The following INPP4A variants were observed in gnomAD, a reference collection of about 807,000 sequenced individuals.
INPP4A encodes the protein inositol polyphosphate-4-phosphatase, type I, 107kD.
Under a neutral mutation model 119.8 loss-of-function variants are expected in INPP4A, and 33 were observed. The observed-to-expected ratio is 0.28, with a 90% CI of 0.21 to 0.37. The LOEUF (loss-of-function observed/expected upper bound fraction) is 0.37, where lower values mean the gene tolerates loss of function less well. INPP4A is among the 10% of genes least tolerant of loss of function. The pLI is 1.00. For synonymous variants in INPP4A, 496 were observed against 500.7 expected (o/e 0.99, Z 0.12); for missense variants, 956 against 1,289.9 (o/e 0.74, Z 3.97).
chr2:98,520,267 A>G (rs1360501285), intron 3 of INPP4A, 113 bp downstream of exon 3: 38 of 800,534 alleles, frequency 4.7e-5, no homozygotes, highest in Non-Finnish European at 4.1e-6. Flanking sequence ...ACCCTAGACT[A>G]CAGGGTACCC....
Position 98,555,708 on chromosome 2 carries a change from C to G in INPP4A, c.1722C>G (p.His574Gln). ...CTSKKGNPDS[H>Q]AYWIRPEDPF... Reference sequence around the variant, plus strand: ...GCAAGAAAGGTAACCCGGACAGCCACGCCTACTGGATCAGACCAGAAGACC... The same window carrying G: ...GCAAGAAAGGTAACCCGGACAGCCAGGCCTACTGGATCAGACCAGAAGACC... The change falls in exon 16 of 25, where the codon CAC (histidine) becomes CAG (glutamine). Residue 574 changes from histidine (H) to glutamine (Q), a missense_variant. Transcript: ENST00000409851. The G allele has an allele frequency of 6.2e-7, 1 of 1,612,854 alleles. No homozygotes were observed. The highest frequency in any genetic ancestry group is 8.5e-7 in the Non-Finnish European group (1 of 1,179,314).
At chr2:98,533,131 GC>G (rs1251185837) in intron 4 of INPP4A, among the ~76,000 whole-genome samples, 1 of 152,240 alleles carries the variant, frequency 6.6e-6, no homozygotes, top group Non-Finnish European at 1.5e-5. Context: ...GACATGGGAA[GC>G]CCCCGTCAGC....
intron 13 of INPP4A, among the ~76,000 whole-genome samples, chr2:98,550,396 C>G (rs894746308): frequency 1.3e-5 from 2 of 152,214 alleles, no homozygotes; most frequent in Non-Finnish European, 2.9e-5. Flanking sequence ...AGAGGTGATC[C>G]TGCTCTTCTA....
At chr2:98,586,957 GA>G (rs751866312) in intron 24 of INPP4A, among the ~76,000 whole-genome samples, 17 of 152,222 alleles carry the variant, frequency 1.1e-4, no homozygotes, top group Non-Finnish European at 2.2e-4. Context: ...CAGCAGACCA[GA>G]ACGCCTTCCT....
At position 98,557,341 on chromosome 2, in the gene INPP4A, A is replaced by G. The variant is rs569383809; in HGVS notation, c.1822+1533A>G. Among the ~76,000 whole-genome samples the G allele has an allele frequency of 4.6e-5, 7 of 152,370 alleles. No homozygotes were observed. In the East Asian group the frequency reaches 5.8e-4, roughly 13 times the overall value. ...TCAGTACTCAAATGTATGAAACCAT[A>G]TGCCACCAAATTATCTGTGGATGGT... On this transcript the variant is annotated intron_variant, in intron 16 of 24. Coordinates refer to ENST00000409851, the MANE Select transcript of INPP4A (RefSeq NM_001134225.2).
chr2:98,548,903 G>T, intron 13 of INPP4A: 2 of 1,548,074 alleles, frequency 1.3e-6, no homozygotes, highest in South Asian at 2.4e-5. Context: ...TTTTGCATTT[G>T]GTATTTGCTA....
intron 24 of INPP4A, among the ~76,000 whole-genome samples, chr2:98,581,121 C>T (rs1220234474): frequency 6.6e-6 from 1 of 152,200 alleles, no homozygotes; most frequent in Non-Finnish European, 1.5e-5. Flanking sequence ...CCACCCCCTG[C>T]TCAGGCATCT....
chr2:98,553,286 A>T (rs1693867081), intron 14 of INPP4A, among the ~76,000 whole-genome samples: 1 of 151,920 alleles, frequency 6.6e-6, no homozygotes, highest in Admixed American at 6.6e-5. Flanking sequence ...GTAACAGCCT[A>T]ACTAGCACTT....
intron 23 of INPP4A, among the ~76,000 whole-genome samples, chr2:98,573,674 A>G (rs1697896021): frequency 6.6e-6 from 1 of 152,036 alleles, no homozygotes; most frequent in African/African-American, 2.4e-5. Flanking sequence ...TGAGCAGCTC[A>G]CTCTGAAGTG....
intron 4 of INPP4A, among the ~76,000 whole-genome samples, chr2:98,529,941 A>G (rs1688897185): frequency 6.6e-6 from 1 of 152,210 alleles, no homozygotes; most frequent in South Asian, 2.1e-4. Context: ...TTGTTAATGA[A>G]GAGATATGAC....
At chr2:98,468,663 A>G (rs1675300377) in intron 1 of INPP4A, among the ~76,000 whole-genome samples, 2 of 152,194 alleles carry the variant, frequency 1.3e-5, no homozygotes, top group South Asian at 4.1e-4. Context: ...CATTCTAAGA[A>G]CTGTGGCATT....
intron 1 of INPP4A, 119 bp downstream of exon 1, chr2:98,445,204 G>T (rs1693978218): frequency 6.6e-6 from 1 of 152,064 alleles, no homozygotes. Flanking sequence ...GACGGCGCCC[G>T]CGGTTTTCAT....
chr2:98,475,902 T>A (rs1211649982), intron 1 of INPP4A, among the ~76,000 whole-genome samples: 2 of 152,224 alleles, frequency 1.3e-5, no homozygotes, highest in African/African-American at 2.4e-5. Context: ...TTATTTTAAA[T>A]TTTTTTCCAC....
intron 20 of INPP4A, 121 bp from the exon 21 acceptor site, chr2:98,565,908 C>G: frequency 6.7e-7 from 1 of 1,491,862 alleles, no homozygotes; most frequent in Non-Finnish European, 9.1e-7. Context: ...AGTGCCACTC[C>G]CTTAAAGGTC....
At chr2:98,549,355 C>G (rs1254694617) in intron 13 of INPP4A, among the ~76,000 whole-genome samples, 3 of 152,146 alleles carry the variant, frequency 2.0e-5, no homozygotes, top group Admixed American at 1.3e-4. Context: ...TTTCAGTTTT[C>G]ACTTCACTAT....
chr2:98,551,797 A>C (rs1014664859), intron 13 of INPP4A, among the ~76,000 whole-genome samples: 2 of 152,174 alleles, frequency 1.3e-5, no homozygotes, highest in Admixed American at 6.5e-5. Flanking sequence ...AAATTTTAGG[A>C]GGAGACCTCT....
chr2:98,538,086 G>C, intron 8 of INPP4A, 112 bp downstream of exon 8: 1 of 689,128 alleles, frequency 1.5e-6, no homozygotes, highest in Non-Finnish European at 2.5e-6. Context: ...AGGGCCTGCT[G>C]CTTGATGCTG....
At chr2:98,522,769 A>AG (rs1364974410) in intron 4 of INPP4A, among the ~76,000 whole-genome samples, 4 of 152,156 alleles carry the variant, frequency 2.6e-5, no homozygotes, top group Non-Finnish European at 5.9e-5. Flanking sequence ...ACTTCCAGAA[A>AG]GAAAAAAAAA....
chr2:98,575,923 A>G (rs545275210), intron 23 of INPP4A, among the ~76,000 whole-genome samples: 1 of 152,320 alleles, frequency 6.6e-6, no homozygotes, highest in African/African-American at 2.4e-5. Context: ...ACAGGTTTTC[A>G]GATTTTAGAA....
Sources: allele counts gnomAD v4.1 joint callset (sites outside exome capture counted in the v4.1 genomes callset), GRCh38; gene constraint gnomAD v4.1.1; transcripts MANE v1.5; gene names NCBI Gene and HGNC (gene_info 2026-07-23, HGNC 2026-07-21).